Variants in FAM222A observed in about 807,000 individuals in gnomAD.
FAM222A encodes family with sequence similarity 222 member A.
FAM222A carries 7 observed loss-of-function variants against 25.8 expected under a neutral mutation model. The ratio of observed to expected loss-of-function variants is 0.27; its 90% CI spans 0.15 to 0.51. The LOEUF (loss-of-function observed/expected upper bound fraction) is 0.51. FAM222A is among the 20% of genes least tolerant of loss of function. The pLI is 0.97. For synonymous variants in FAM222A, 294 were observed against 298.8 expected (o/e 0.98, Z 0.17); for missense variants, 573 against 640.5 (o/e 0.89, Z 1.14).
chr12:109,747,150 G>T (rs1278654942), intron 2 of FAM222A, among the ~76,000 whole-genome samples: 1 of 152,206 alleles, frequency 6.6e-6, no homozygotes, highest in Non-Finnish European at 1.5e-5. Flanking sequence ...CTGGAGTGCA[G>T]TGGCACGATC....
At chr12:109,748,084 A>G (rs542443829) in intron 2 of FAM222A, among the ~76,000 whole-genome samples, 1 of 152,328 alleles carries the variant, frequency 6.6e-6, no homozygotes, top group Admixed American at 6.5e-5. Flanking sequence ...TTTAAAAATC[A>G]AGAATGGAAG....
At chr12:109,756,423 G>T (rs1592795715) in intron 2 of FAM222A, among the ~76,000 whole-genome samples, 7 of 128,764 alleles carry the variant, frequency 5.4e-5, no homozygotes, top group African/African-American at 9.1e-5. Context: ...TAATTGCTCT[G>T]GCTAAAACTT....
chr12:109,726,088 C>T (rs1409361611), intron 1 of FAM222A, among the ~76,000 whole-genome samples: 1 of 98,710 alleles, frequency 1.0e-5, no homozygotes, highest in East Asian at 3.0e-4. Flanking sequence ...GTGTGACCCA[C>T]AAGCTAAGCT....
chr12:109,718,905 C>T (rs535582076), intron 1 of FAM222A, among the ~76,000 whole-genome samples: 1 of 152,294 alleles, frequency 6.6e-6, no homozygotes, highest in East Asian at 1.9e-4. Flanking sequence ...GGATTCCTTC[C>T]ACCTGGACCC....
chr12:109,744,898 A>G, intron 2 of FAM222A: 4 of 523,752 alleles, frequency 7.6e-6, no homozygotes, highest in Non-Finnish European at 9.8e-6. Context: ...TTAGAGCTGA[A>G]TGACTGCCTC....
rs559762285 is a variant in FAM222A at position 109,715,151 on chromosome 12, C to A, written c.-47+254C>A. ...GCCAGAGAGGAAAGGTCACCCCACCCGTAAAGCTAACAAAGGTATTGGCTG... is the reference window on the plus strand; with the variant it reads ...GCCAGAGAGGAAAGGTCACCCCACCAGTAAAGCTAACAAAGGTATTGGCTG... On this transcript the variant is annotated intron_variant, in intron 1 of 2. Transcript: ENST00000538780. Among the ~76,000 whole-genome samples, 5 of 152,138 alleles carry A rather than the reference C, an allele frequency of 3.3e-5. No individual in the cohort carries two copies. In the South Asian group the frequency reaches 1.0e-3, roughly 32 times the overall value.
At chr12:109,750,376 C>T (rs1034571031) in intron 2 of FAM222A, among the ~76,000 whole-genome samples, 14 of 152,244 alleles carry the variant, frequency 9.2e-5, no homozygotes, top group South Asian at 4.1e-4. Flanking sequence ...TTAAAATTGA[C>T]GATATCAGGC....
chr12:109,714,734 AG>A lies in FAM222A; in HGVS notation c.-208del, dbSNP rs1157678825. 1 of 152,180 alleles carries A rather than the reference AG, an allele frequency of 6.6e-6. No homozygotes were observed. Among genetic ancestry groups the A allele is most frequent in the Non-Finnish European group, 1.5e-5 (1 of 68,062 alleles). 9.4% of individuals were successfully genotyped at this position (152,180 alleles called of 1,614,324 possible). On this transcript the variant is annotated 5_prime_UTR_variant, in exon 1 of 3. Transcript: ENST00000538780. The surrounding 1 kb of genome is among the most constrained non-coding windows in gnomAD (Gnocchi z 4.2). ...ACTTCGGACGGCGCAGGCCGGCGCC[AG>A]GATAGCCCTCACCGACAGCGCCCCT... is the stretch of plus-strand genomic sequence containing the variant.
intron 2 of FAM222A, among the ~76,000 whole-genome samples, chr12:109,761,859 G>A (rs1270034207): frequency 6.6e-6 from 1 of 152,096 alleles, no homozygotes; most frequent in Non-Finnish European, 1.5e-5. Flanking sequence ...ACCTTCCAAA[G>A]CAGAGGAAAC....
At chr12:109,762,418 T>C (rs1888924373) in intron 2 of FAM222A, among the ~76,000 whole-genome samples, 1 of 152,144 alleles carries the variant, frequency 6.6e-6, no homozygotes, top group Non-Finnish European at 1.5e-5. Context: ...GCACATTGCC[T>C]CTTACAACCC....
intron 2 of FAM222A, among the ~76,000 whole-genome samples, chr12:109,747,621 AC>A (rs1888439008): frequency 6.6e-6 from 1 of 152,230 alleles, no homozygotes; most frequent in Admixed American, 6.5e-5. Flanking sequence ...AAAACATGAT[AC>A]AGTTCTCTTT....
chr12:109,716,283 C>G (rs77920550), intron 1 of FAM222A, among the ~76,000 whole-genome samples: 1 of 152,208 alleles, frequency 6.6e-6, no homozygotes, highest in East Asian at 1.9e-4. Flanking sequence ...TTGCCAGTGT[C>G]GGGTGCTGGT....
intron 2 of FAM222A, among the ~76,000 whole-genome samples, chr12:109,757,616 G>C (rs374346814): frequency 5.9e-5 from 9 of 152,240 alleles, no homozygotes; most frequent in African/African-American, 1.9e-4. Flanking sequence ...GGATAGAAAG[G>C]ATTTCCAAAA....
At chr12:109,717,978 C>T (rs1441904323) in intron 1 of FAM222A, among the ~76,000 whole-genome samples, 4 of 152,260 alleles carry the variant, frequency 2.6e-5, no homozygotes, top group African/African-American at 4.8e-5. Flanking sequence ...GGGCCTGGAT[C>T]GTACTCTCAG....
At chr12:109,766,981 C>T (rs530775388) in intron 2 of FAM222A, among the ~76,000 whole-genome samples, 3 of 151,854 alleles carry the variant, frequency 2.0e-5, no homozygotes, top group Non-Finnish European at 4.4e-5. Context: ...CTGTAGCCTC[C>T]AACTCCTGGG....
intron 1 of FAM222A, among the ~76,000 whole-genome samples, chr12:109,733,746 A>T (rs1354096728): frequency 1.3e-5 from 2 of 152,144 alleles, no homozygotes; most frequent in African/African-American, 2.4e-5. Flanking sequence ...GGTATAGGGT[A>T]TTTAGGTAGA....
chr12:109,727,224 CG>C (rs1887860260), intron 1 of FAM222A, among the ~76,000 whole-genome samples: 1 of 152,052 alleles, frequency 6.6e-6, no homozygotes, highest in Non-Finnish European at 1.5e-5. Flanking sequence ...TGAGCCGGGC[CG>C]GGCGGCCAGC....
At chr12:109,718,146 A>G (rs1212216535) in intron 1 of FAM222A, among the ~76,000 whole-genome samples, 4 of 152,166 alleles carry the variant, frequency 2.6e-5, no homozygotes, top group African/African-American at 9.7e-5. Flanking sequence ...TAAGCACTCA[A>G]ACGCATGTTG....
chr12:109,740,186 C>T (rs987794568), intron 1 of FAM222A, among the ~76,000 whole-genome samples: 9 of 152,226 alleles, frequency 5.9e-5, no homozygotes, highest in East Asian at 1.9e-4. Flanking sequence ...TTCCTTTCCC[C>T]TCCCCTGTCA....
Sources: allele counts gnomAD v4.1 joint callset (sites outside exome capture counted in the v4.1 genomes callset), GRCh38; gene constraint gnomAD v4.1.1; non-coding constraint Gnocchi (gnomAD v3.1); transcripts MANE v1.5; gene names NCBI Gene and HGNC (gene_info 2026-07-23, HGNC 2026-07-21).